The following TRIP4 variants were observed in gnomAD, a reference collection of about 807,000 sequenced individuals.
TRIP4 encodes activating signal cointegrator 1.
Under a neutral mutation model 81.8 loss-of-function variants are expected in TRIP4, and 54 were observed. The ratio of observed to expected loss-of-function variants is 0.66; its 90% CI spans 0.53 to 0.83. The LOEUF (loss-of-function observed/expected upper bound fraction) is 0.83. Ranked by LOEUF, TRIP4 falls within the 40% of genes least tolerant of loss-of-function variation. The pLI is 0.00. For synonymous variants in TRIP4, 270 were observed against 242.8 expected (o/e 1.11, Z -1.04); for missense variants, 662 against 683.6 (o/e 0.97, Z 0.35).
intron 8 of TRIP4, among the ~76,000 whole-genome samples, chr15:64,415,036 A>G (rs1056915094): frequency 1.3e-5 from 2 of 151,868 alleles, no homozygotes; most frequent in Non-Finnish European, 2.9e-5. Context: ...CAGAGGTTGC[A>G]GTGAGCTATG....
At chr15:64,423,461 CAAAAAAA>C (rs58166289) in intron 9 of TRIP4, among the ~76,000 whole-genome samples, 10 of 71,114 alleles carry the variant, frequency 1.4e-4, no homozygotes, top group South Asian at 8.7e-4. Context: ...GACTCCGTCT[CAAAAAAA>C]AAAAAAAAAA....
chr15:64,443,158 G>A (rs1321902149), intron 11 of TRIP4, among the ~76,000 whole-genome samples: 1 of 152,200 alleles, frequency 6.6e-6, no homozygotes, highest in Non-Finnish European at 1.5e-5. Flanking sequence ...AGGGAGTACA[G>A]ATAATCTTTT....
At chr15:64,388,121 T>C (rs1252687944) in intron 1 of TRIP4, 157 bp downstream of exon 1, 1 of 1,284,516 alleles carries the variant, frequency 7.8e-7, no homozygotes, top group Non-Finnish European at 1.0e-6. Context: ...TCCACCTTTG[T>C]AGTTTAGTTT....
chr15:64,437,556 G>A (rs1449007061), intron 11 of TRIP4, among the ~76,000 whole-genome samples: 1 of 150,200 alleles, frequency 6.7e-6, no homozygotes, highest in Non-Finnish European at 1.5e-5. Context: ...GCACTGGTGC[G>A]ATCTCGGCTC....
chr15:64,453,495 T>C (rs988955612), intron 12 of TRIP4, among the ~76,000 whole-genome samples: 20 of 152,232 alleles, frequency 1.3e-4, no homozygotes, highest in Non-Finnish European at 2.5e-4. Flanking sequence ...TGACTTGCCT[T>C]GTAACAGGGC....
chr15:64,388,904 A>G lies in TRIP4; in HGVS notation c.101+940A>G, dbSNP rs111380801. On this transcript the variant is annotated intron_variant, in intron 1 of 12. Transcript: ENST00000261884. ...AGATGGTGTACATGACTTAATATCT[A>G]CTTTCAACTGATTGAAGAACATTTG... is the stretch of plus-strand genomic sequence containing the variant. Among the ~76,000 whole-genome samples the G allele has an allele frequency of 4.9e-3, 752 of 152,336 alleles. 1 individual carries two copies. The highest frequency in any genetic ancestry group is 0.016 in the African/African-American group (656 of 41,588).
rs1891714237 is a variant in TRIP4 at position 64,409,605 on chromosome 15, T to C, written c.828-8T>C. ...TGACCTAATTACCATGTGTTCCCTT[T>C]TTCTCAGTATTCGAAGGACCCAAGT... On this transcript the variant is annotated splice_polypyrimidine_tract_variant and splice_region_variant and intron_variant, in intron 6 of 12. Coordinates refer to ENST00000261884, the MANE Select transcript of TRIP4 (RefSeq NM_016213.5). The C allele has an allele frequency of 6.2e-7, 1 of 1,613,588 alleles. No homozygotes were observed. The highest frequency in any genetic ancestry group is 1.7e-5 in the Admixed American group (1 of 60,004).
intron 1 of TRIP4, chr15:64,393,737 T>G (rs867547866): frequency 6.9e-5 from 25 of 363,786 alleles, no homozygotes; most frequent in Middle Eastern, 1.4e-3. Flanking sequence ...TGTATAACGT[T>G]GTTTTTTTCC....
At chr15:64,398,542 C>T (rs540526992) in intron 4 of TRIP4, among the ~76,000 whole-genome samples, 18 of 151,636 alleles carry the variant, frequency 1.2e-4, no homozygotes, top group South Asian at 2.1e-4. Context: ...GATCCCAGGA[C>T]GTCCAGGCTG....
intron 12 of TRIP4, among the ~76,000 whole-genome samples, chr15:64,453,753 CAA>C (rs1417748630): frequency 2.6e-5 from 4 of 152,154 alleles, no homozygotes; most frequent in Admixed American, 6.5e-5. Flanking sequence ...GATAAACAGA[CAA>C]AGAGAGATAT....
At chr15:64,418,493 A>AG (rs1891935430) in intron 8 of TRIP4, 48 bp from the exon 9 acceptor site, 1 of 1,518,962 alleles carries the variant, frequency 6.6e-7, no homozygotes, top group African/African-American at 1.4e-5. Context: ...TACCTACCCC[A>AG]GATTCTTGCC....
Position 64,395,514 on chromosome 15 carries a change from C to G in TRIP4, c.388C>G (p.Pro130Ala), listed in dbSNP as rs1443550652. The change falls in exon 3 of 13, where the codon CCT becomes GCT. Residue 130 changes from proline to alanine, a missense_variant. Pro to Ala is a conservative substitution (Grantham distance 27). Transcript: ENST00000261884. ...EPDTTAEVKT[P>A]FDLAKAQENS... ...TGACACGACTGCAGAGGTTAAAACA[C>G]CTTTTGATTTGGCCAAGGTGAGTGC... The G allele has an allele frequency of 3.7e-6, 6 of 1,609,516 alleles. No individual in the cohort carries two copies. The highest frequency in any genetic ancestry group is 1.3e-5 in the African/African-American group (1 of 74,706).
chr15:64,424,242 C>CTT, intron 10 of TRIP4, 87 bp downstream of exon 10: 1 of 1,565,372 alleles, frequency 6.4e-7, no homozygotes, highest in South Asian at 1.2e-5. Context: ...CTTTCTTTGG[C>CTT]TTTTTCTTTG....
At chr15:64,454,968 A>G (rs764907654) in intron 12 of TRIP4, 29 bp from the exon 13 acceptor site, 5 of 1,605,388 alleles carry the variant, frequency 3.1e-6, no homozygotes, top group Non-Finnish European at 4.3e-6. Context: ...ACAAAAATAA[A>G]TAATGAGACT....
chr15:64,411,755 C>T (rs1891768585), intron 7 of TRIP4, among the ~76,000 whole-genome samples: 1 of 151,492 alleles, frequency 6.6e-6, no homozygotes, highest in African/African-American at 2.4e-5. Context: ...TCTTGGCTCA[C>T]TGCAAGCTCC....
At chr15:64,402,586 C>T (rs556376783) in intron 5 of TRIP4, among the ~76,000 whole-genome samples, 5 of 146,546 alleles carry the variant, frequency 3.4e-5, no homozygotes, top group Middle Eastern at 4.2e-3. Flanking sequence ...TGCAATGGCG[C>T]GATCTCAGCT....
chr15:64,404,188 C>A (rs528667560), intron 5 of TRIP4, among the ~76,000 whole-genome samples: 23 of 150,406 alleles, frequency 1.5e-4, no homozygotes, highest in Non-Finnish European at 3.4e-4. Context: ...GAAACTCCAT[C>A]TCAAAAAAAA....
At chr15:64,391,264 C>A (rs1225451852) in intron 1 of TRIP4, among the ~76,000 whole-genome samples, 1 of 151,870 alleles carries the variant, frequency 6.6e-6, no homozygotes, top group African/African-American at 2.4e-5. Context: ...TCAAGCAATT[C>A]TCCTGCCTCA....
Position 64,396,303 on chromosome 15 carries a change from G to A in TRIP4, c.405+772G>A, listed in dbSNP as rs551818637. 6.8e-3 allele frequency among the ~76,000 whole-genome samples: 776 copies of A among 113,620 alleles called. 6 individuals carry two copies. Among genetic ancestry groups the A allele is most frequent in the Non-Finnish European group, 9.7e-3 (584 of 60,032 alleles). The allele number at this position is 113,620 out of a possible 152,430, so 74.5% of individuals were successfully genotyped here. On this transcript the variant is annotated intron_variant, in intron 3 of 12. Transcript: ENST00000261884. ...TTTTTTTTTTTTTTTTTGAGACGGA[G>A]TCTTGCTCTGTCACCCAGGCTGGAG... is the stretch of plus-strand genomic sequence containing the variant.
Sources: gnomAD v4.1 joint callset for allele counts (sites outside exome capture counted in the v4.1 genomes callset) on GRCh38, gnomAD v4.1.1 for gene constraint, MANE v1.5 for transcripts, NCBI Gene and HGNC (gene_info 2026-07-23, HGNC 2026-07-21) for gene names.